The following HMG20B variants were observed in gnomAD, a reference collection of about 807,000 sequenced individuals.
HMG20B encodes the protein SWI/SNF-related matrix-associated actin-dependent regulator of chromatin subfamily E member 1-related.
Under a neutral mutation model 41.6 loss-of-function variants are expected in HMG20B, and 24 were observed. That is an observed-to-expected ratio of 0.58 (90% CI 0.42 to 0.81). The LOEUF (loss-of-function observed/expected upper bound fraction) is 0.81. HMG20B is among the 30% of genes least tolerant of loss of function. HMG20B has a pLI of 0.00. For synonymous variants in HMG20B, 251 were observed against 186.6 expected, an observed-to-expected ratio of 1.34 and a Z score of -2.81; for missense variants, 461 against 444.0, an observed-to-expected ratio of 1.04 and a Z score of -0.34.
intron 3 of HMG20B, 105 bp downstream of exon 3, chr19:3,573,905 C>A (rs972244690): frequency 3.7e-6 from 4 of 1,091,810 alleles, no homozygotes; most frequent in Non-Finnish European, 5.4e-6. Flanking sequence ...GCCCACAGCC[C>A]ATTTTCCTCT....
chr19:3,574,217 T>A, intron 3 of HMG20B, 166 bp from the exon 4 acceptor site: 2 of 654,384 alleles, frequency 3.1e-6, no homozygotes, highest in Non-Finnish European at 5.4e-6. Flanking sequence ...TAACCCACCG[T>A]GTCCCGACTG....
intron 4 of HMG20B, 46 bp from the exon 5 acceptor site, chr19:3,575,494 C>A: frequency 6.4e-7 from 1 of 1,554,374 alleles, no homozygotes; most frequent in South Asian, 1.2e-5. Flanking sequence ...TGGATCCTGG[C>A]GTTGGAGGCT....
At chr19:3,574,712 C>CA in intron 4 of HMG20B, 126 bp downstream of exon 4, 16 of 791,326 alleles carry the variant, frequency 2.0e-5, no homozygotes, top group Non-Finnish European at 3.1e-5. Flanking sequence ...CACCCATAAC[C>CA]AACTTTTTTT....
At chr19:3,573,535 C>T (rs1008571244) in intron 2 of HMG20B, 157 bp from the exon 3 acceptor site, 1 of 888,988 alleles carries the variant, frequency 1.1e-6, no homozygotes, top group Non-Finnish European at 1.6e-6. Context: ...CCCGCTTGTC[C>T]CACCTTCCCC....
intron 8 of HMG20B, among the ~76,000 whole-genome samples, chr19:3,577,450 C>T (rs1437423880): frequency 1.3e-5 from 2 of 148,928 alleles, no homozygotes; most frequent in Admixed American, 6.7e-5. Context: ...TACTCGCTTC[C>T]TCCCGCAGCC....
chr19:3,575,080 A>C (rs1290889931), intron 4 of HMG20B, among the ~76,000 whole-genome samples: 2 of 152,204 alleles, frequency 1.3e-5, no homozygotes. Flanking sequence ...CTGGATGACC[A>C]ACAAAGATAT....
Position 3,573,762 on chromosome 19 carries a change from G to A in HMG20B, c.109G>A (p.Gly37Ser). The change falls in exon 3 of 10, where the codon GGT becomes AGT. Residue 37 changes from glycine to serine, a missense_variant. By Grantham distance (56) the Gly-to-Ser change is moderately conservative. Around this residue, in one of 3 missense-constraint regions of HMG20B, gnomAD observed 104 missense variants for 76.5 expected, o/e 1.36. Transcript: ENST00000333651. Reference sequence around the variant, plus strand: ...GACTGTCAAGCAAGAGCGCGGCGAGGGTCCACGCGCGGGCGAGAAGGGGTC... The same window carrying A: ...GACTGTCAAGCAAGAGCGCGGCGAGAGTCCACGCGCGGGCGAGAAGGGGTC... ...VVTVKQERGEGPRAGEKGSHE... is the reference protein window; with the variant it reads ...VVTVKQERGESPRAGEKGSHE... 1.0e-5 allele frequency: 16 copies of A among 1,559,066 alleles called. No homozygotes were observed. The highest frequency in any genetic ancestry group is 1.4e-5 in the Non-Finnish European group (16 of 1,156,594).
chr19:3,573,246 C>T, intron 1 of HMG20B, 46 bp from the exon 2 acceptor site: 2 of 1,467,600 alleles, frequency 1.4e-6, no homozygotes, highest in Non-Finnish European at 1.8e-6. Flanking sequence ...GGTCTGCCAT[C>T]GGGCAGCCCG....
Position 3,578,812 on chromosome 19 carries a change from AC to A in HMG20B, c.*296del. Reference sequence around the variant, plus strand: ...ACGCGCTACACTGGCTCTCCGGGCCACCCCCAGGACACAGGGCAGACGAAAC... The same window carrying A: ...ACGCGCTACACTGGCTCTCCGGGCCACCCCAGGACACAGGGCAGACGAAAC... On this transcript the variant is annotated 3_prime_UTR_variant, in exon 10 of 10. Transcript: ENST00000333651. 2.9e-6 allele frequency: 2 copies of A among 700,492 alleles called. No homozygotes were observed. The highest frequency in any genetic ancestry group is 1.9e-5 in the Admixed American group (1 of 53,810). 43.4% of individuals were successfully genotyped at this position (700,492 alleles called of 1,614,324 possible). A position where few individuals can be genotyped will look rare whatever the true frequency, so the allele number is the denominator to read the frequency against.
intron 8 of HMG20B, 152 bp downstream of exon 8, chr19:3,577,259 G>C: frequency 3.5e-6 from 2 of 574,064 alleles, no homozygotes; most frequent in Non-Finnish European, 5.8e-6. Flanking sequence ...CTATCGCCCC[G>C]CCCTCATCAC....
intron 1 of HMG20B, 71 bp from the exon 2 acceptor site, chr19:3,573,221 G>A: frequency 7.7e-7 from 1 of 1,300,280 alleles, no homozygotes; most frequent in Non-Finnish European, 1.0e-6. Flanking sequence ...TCCATCGCGG[G>A]GTACCCCAGT....
chr19:3,577,157 C>T (rs2032182634), intron 8 of HMG20B, 50 bp downstream of exon 8: 15 of 1,251,210 alleles, frequency 1.2e-5, no homozygotes, highest in Non-Finnish European at 1.6e-5. Flanking sequence ...CCGGCCCCGC[C>T]CGCCTCCCCC....
rs1192786128 is a variant in HMG20B, at chr19:3,573,466, G to T, written c.38+119G>T. The T allele has an allele frequency of 4.4e-6, 5 of 1,147,130 alleles. No homozygotes were observed. The African/African-American group carries it at 4.9e-5, about 11-fold the overall frequency. The allele number at this position is 1,147,130 out of a possible 1,614,324, so 71.1% of individuals were successfully genotyped here. A position where few individuals can be genotyped will look rare whatever the true frequency, so the allele number is the denominator to read the frequency against. On this transcript the variant is annotated intron_variant, in intron 2 of 9. Transcript: ENST00000333651. ...TTGACTCCCCCACCTGGGTCAGGGG[G>T]CTTCTCCCTCCACCCAATTCTGCAC...
At chr19:3,574,609 C>T in intron 4 of HMG20B, 23 bp downstream of exon 4, 1 of 1,566,042 alleles carries the variant, frequency 6.4e-7, no homozygotes, top group East Asian at 2.3e-5. Flanking sequence ...GGGCGCCGAG[C>T]AGGGCTGGCG....
chr19:3,573,260 G>A (rs770666975), intron 1 of HMG20B, 32 bp from the exon 2 acceptor site: 2 of 1,501,464 alleles, frequency 1.3e-6, no homozygotes. Context: ...CAGCCCGGGC[G>A]CTACTCACCT....
chr19:3,576,195 C>T, intron 5 of HMG20B, 66 bp from the exon 6 acceptor site: 1 of 1,461,070 alleles, frequency 6.8e-7, no homozygotes, highest in Non-Finnish European at 9.6e-7. Flanking sequence ...CAGCGCTGAC[C>T]TAGGGTGCAG....
At chr19:3,574,945 T>C (rs1035434507) in intron 4 of HMG20B, among the ~76,000 whole-genome samples, 1 of 152,076 alleles carries the variant, frequency 6.6e-6, no homozygotes, top group African/African-American at 2.4e-5. Flanking sequence ...TCTCGAACTC[T>C]TGACCTCAAA....
chr19:3,578,340 C>T (rs1415307839), intron 9 of HMG20B, 169 bp from the exon 10 acceptor site: 5 of 1,176,942 alleles, frequency 4.2e-6, no homozygotes, highest in Non-Finnish European at 5.9e-6. Context: ...TTCCCTAAAG[C>T]TTCTCAGGGT....
Position 3,577,061 on chromosome 19 carries a change from C to A in HMG20B, c.762C>A (p.Ala254=). The change falls in exon 8 of 10, where the codon GCC becomes GCA. Residue 254 remains alanine (A), a synonymous_variant. Coordinates refer to ENST00000333651, the MANE Select transcript of HMG20B (RefSeq NM_006339.3). ...TGGCGCTGCAGCAGCAGCTCCAGGCCGTGCGCCAGGCGCTCACCGCCAGCT... is the reference window on the plus strand; with the variant it reads ...TGGCGCTGCAGCAGCAGCTCCAGGCAGTGCGCCAGGCGCTCACCGCCAGCT... ...RTLALQQQLQ[A]VRQALTASFA... is the part of the protein sequence containing the mutation. 1 of 1,544,298 alleles carries A rather than the reference C, an allele frequency of 6.5e-7. No individual in the cohort carries two copies. The highest frequency in any genetic ancestry group is 2.2e-4 in the Middle Eastern group (1 of 4,570).
Sources: allele counts gnomAD v4.1 joint callset (sites outside exome capture counted in the v4.1 genomes callset), GRCh38; gene constraint gnomAD v4.1.1; regional missense constraint gnomAD v4.1.1; transcripts MANE v1.5; gene names NCBI Gene and HGNC (gene_info 2026-07-23, HGNC 2026-07-21).